DOCK5: variants seen among roughly 807,000 people sequenced by gnomAD.
DOCK5 encodes dedicator of cytokinesis 5, also known as dedicator of cytokinesis protein 5.
In DOCK5, 142 loss-of-function variants were observed where a neutral mutation model predicts 251.8. That is an observed-to-expected ratio of 0.56 (90% CI 0.49 to 0.65). The LOEUF is 0.65. Among genes scored for constraint, DOCK5 ranks in the 30% least tolerant of loss-of-function variants. The probability of loss-of-function intolerance (pLI) is 0.00; values close to 1 mark genes in which losing one functional copy is unlikely to be tolerated. For missense variants in DOCK5, 2,111 were observed against 2,312.3 expected (o/e 0.91, Z 1.79); for synonymous variants, 842 against 835.5 (o/e 1.01, Z -0.13).
At chr8:25,348,854 AT>A (rs199662608) in intron 26 of DOCK5, among the ~76,000 whole-genome samples, 20 of 151,130 alleles carry the variant, frequency 1.3e-4, no homozygotes, top group African/African-American at 4.6e-4. Flanking sequence ...AAAAAAAAAA[AT>A]TTATGTACCA....
chr8:25,373,736 T>G (rs955532932), intron 36 of DOCK5, 78 bp downstream of exon 36: 3 of 1,383,962 alleles, frequency 2.2e-6, no homozygotes, highest in Non-Finnish European at 2.0e-6. Flanking sequence ...ACAAATACTT[T>G]CCCAACACCG....
intron 18 of DOCK5, among the ~76,000 whole-genome samples, chr8:25,330,585 G>A (rs537190967): frequency 3.9e-5 from 6 of 152,294 alleles, no homozygotes; most frequent in African/African-American, 1.4e-4. Context: ...GTATGCAGGA[G>A]TGATATAGGT....
intron 1 of DOCK5, among the ~76,000 whole-genome samples, chr8:25,204,348 G>A (rs979523143): frequency 1.3e-5 from 2 of 152,170 alleles, no homozygotes; most frequent in Non-Finnish European, 2.9e-5. Context: ...CCAGGATTAG[G>A]AAGTTGGGTT....
Position 25,291,910 on chromosome 8 carries a change from C to T in DOCK5, c.322-114C>T, listed in dbSNP as rs915998503. ...AAAAAGAATCGGCCAAAAGATGTTC[C>T]CTCTCATCTGTCTGACATTCCCGTT... On this transcript the variant is annotated intron_variant, in intron 5 of 51. Coordinates refer to ENST00000276440, the MANE Select transcript of DOCK5 (RefSeq NM_024940.8). 5 of 1,021,056 alleles carry T rather than the reference C, an allele frequency of 4.9e-6. No individual in the cohort carries two copies. In the African/African-American group the frequency reaches 8.2e-5, roughly 17 times the overall value. The allele number at this position is 1,021,056 out of a possible 1,614,324, so 63.2% of individuals were successfully genotyped here. A position where few individuals can be genotyped will look rare whatever the true frequency, so the allele number is the denominator to read the frequency against.
rs1014762146 is a variant in DOCK5, at chr8:25,413,004, T to TTGGAATTAAACCCATTTGG, written c.*1727_*1745dup. The TTGGAATTAAACCCATTTGG allele has an allele frequency of 6.6e-6, 1 of 152,172 alleles. No individual in the cohort carries two copies. Among genetic ancestry groups the TTGGAATTAAACCCATTTGG allele is most frequent in the Non-Finnish European group, 1.5e-5 (1 of 68,024 alleles). 9.4% of individuals were successfully genotyped at this position (152,172 alleles called of 1,614,324 possible). ...TGCTAGCATGGAAGAATCATGGGCT[T>TTGGAATTAAACCCATTTGG]TGGAATTAAACCCATTTGGTGGAAT... On this transcript the variant is annotated 3_prime_UTR_variant, in exon 52 of 52. Coordinates refer to ENST00000276440, the MANE Select transcript of DOCK5 (RefSeq NM_024940.8).
Position 25,389,233 on chromosome 8 carries a change from G to A in DOCK5, c.4273+1G>A, listed in dbSNP as rs760904271. 8 of 1,612,958 alleles carry A rather than the reference G, an allele frequency of 5.0e-6. No individual in the cohort carries two copies. The highest frequency in any genetic ancestry group is 6.8e-6 in the Non-Finnish European group (8 of 1,179,216). On this transcript the variant is annotated splice_donor_variant, in intron 41 of 51. Transcript: ENST00000276440. LOFTEE classifies it high-confidence loss of function. ...GACATCAAGTCGTCCCCCAAGCAGT[G>A]TATCCTTTCCGGGGGGAGTATGGCC...
At chr8:25,199,440 G>A (rs1390036818) in intron 1 of DOCK5, among the ~76,000 whole-genome samples, 2 of 142,256 alleles carry the variant, frequency 1.4e-5, no homozygotes, top group African/African-American at 5.3e-5. Context: ...CTGGAGTGCA[G>A]TGGCACCATC....
chr8:25,372,082 TG>T (rs762645118), intron 34 of DOCK5, among the ~76,000 whole-genome samples: 6 of 152,212 alleles, frequency 3.9e-5, no homozygotes, highest in Non-Finnish European at 8.8e-5. Flanking sequence ...TCCTCTAGGC[TG>T]GGCATCCATA....
intron 1 of DOCK5, among the ~76,000 whole-genome samples, chr8:25,186,942 G>A (rs1453436418): frequency 2.6e-5 from 4 of 152,088 alleles, no homozygotes; most frequent in African/African-American, 7.2e-5. Context: ...GCTCACGTCT[G>A]TAATCCCAAC....
At chr8:25,395,917 C>T (rs1801337924) in intron 45 of DOCK5, 198 bp downstream of exon 45, 2 of 709,250 alleles carry the variant, frequency 2.8e-6, no homozygotes, top group Admixed American at 2.3e-5. Flanking sequence ...TGGTATAGAA[C>T]TTACCTAGTA....
intron 32 of DOCK5, 88 bp from the exon 33 acceptor site, chr8:25,368,483 C>T (rs1800817343): frequency 4.8e-6 from 7 of 1,451,862 alleles, no homozygotes; most frequent in Non-Finnish European, 6.5e-6. Flanking sequence ...TTAACCTTTT[C>T]TTTTCTTATG....
chr8:25,335,319 C>A lies in DOCK5; in HGVS notation c.2193-920C>A, dbSNP rs577422914. ...GGAAATCCCATCACTGTGATCATAC[C>A]GAGCCAAATGCAGCACTCCAGGTGG... On this transcript the variant is annotated intron_variant, in intron 21 of 51. Transcript: ENST00000276440. 2.6e-5 allele frequency among the ~76,000 whole-genome samples: 4 copies of A among 152,126 alleles called. No individual in the cohort carries two copies. The South Asian group carries it at 8.3e-4, about 32-fold the overall frequency.
chr8:25,315,685 C>T (rs1463036828), intron 13 of DOCK5, among the ~76,000 whole-genome samples: 1 of 152,246 alleles, frequency 6.6e-6, no homozygotes, highest in Non-Finnish European at 1.5e-5. Flanking sequence ...ATTTTTAATA[C>T]TTTGAGACAA....
Position 25,377,223 on chromosome 8 carries a change from A to T in DOCK5, c.3817-82A>T, listed in dbSNP as rs923297926. ...ATCTAAAATACAAAATCAATGAGTC[A>T]AATATATATACAATATTTTCTTGAT... On this transcript the variant is annotated intron_variant, in intron 37 of 51. Transcript: ENST00000276440. 3 of 1,467,210 alleles carry T rather than the reference A, an allele frequency of 2.0e-6. No individual in the cohort carries two copies. In the African/African-American group the frequency reaches 4.3e-5, roughly 21 times the overall value. The allele number at this position is 1,467,210 out of a possible 1,614,324, so 90.9% of individuals were successfully genotyped here. A position where few individuals can be genotyped will look rare whatever the true frequency, so the allele number is the denominator to read the frequency against.
At position 25,191,373 on chromosome 8, in the gene DOCK5, A is replaced by G. The variant is rs147564365; in HGVS notation, c.43+6422A>G. ...AAAGAGACTTCCAAATATGCAAAAC[A>G]AAGCCACGCTTCCAAGTGTTTTTGT... On this transcript the variant is annotated intron_variant, in intron 1 of 51. Transcript: ENST00000276440. Among the ~76,000 whole-genome samples the G allele has an allele frequency of 1.7e-3, 262 of 152,368 alleles. 1 individual carries two copies. The highest frequency in any genetic ancestry group is 5.9e-3 in the African/African-American group (246 of 41,594).
chr8:25,386,458 G>T (rs571035196), intron 40 of DOCK5, among the ~76,000 whole-genome samples: 1 of 152,030 alleles, frequency 6.6e-6, no homozygotes, highest in Admixed American at 6.5e-5. Context: ...AATTAGCCAG[G>T]CATGGTAGCA....
At chr8:25,220,749 T>TA (rs1158894371) in intron 1 of DOCK5, among the ~76,000 whole-genome samples, 1 of 152,172 alleles carries the variant, frequency 6.6e-6, no homozygotes, top group African/African-American at 2.4e-5. Context: ...GGATTACAGA[T>TA]ATCTGCCATC....
chr8:25,252,113 C>G (rs1023582856), intron 2 of DOCK5, among the ~76,000 whole-genome samples: 1 of 151,934 alleles, frequency 6.6e-6, no homozygotes. Context: ...TGGTATCTAA[C>G]GTTTTGAGAA....
chr8:25,396,231 T>C (rs1318205765), intron 45 of DOCK5, among the ~76,000 whole-genome samples: 1 of 152,068 alleles, frequency 6.6e-6, no homozygotes, highest in African/African-American at 2.4e-5. Context: ...AATACAAAAA[T>C]TGGCCAGGCA....
Sources: allele counts gnomAD v4.1 joint callset (sites outside exome capture counted in the v4.1 genomes callset), GRCh38; gene constraint gnomAD v4.1.1; transcripts MANE v1.5; gene names NCBI Gene and HGNC (gene_info 2026-07-23, HGNC 2026-07-21).